PDE1A: variants seen among roughly 807,000 people sequenced by gnomAD.
PDE1A encodes the protein phosphodiesterase 1A.
Under a neutral mutation model 61.7 loss-of-function variants are expected in PDE1A, and 35 were observed. That is an observed-to-expected ratio of 0.57 (90% CI 0.43 to 0.75). The LOEUF (loss-of-function observed/expected upper bound fraction) is 0.75, where lower values mean the gene tolerates loss of function less well. Ranked by LOEUF, PDE1A falls within the 30% of genes least tolerant of loss-of-function variation. The pLI is 0.00. For missense variants in PDE1A, 597 were observed against 630.6 expected (o/e 0.95, Z 0.57); for synonymous variants, 232 against 213.2 (o/e 1.09, Z -0.77).
chr2:182,290,612 T>G (rs1694464800), intron 1 of PDE1A, among the ~76,000 whole-genome samples: 1 of 152,002 alleles, frequency 6.6e-6, no homozygotes, highest in Non-Finnish European at 1.5e-5. Context: ...AACTCTGTAT[T>G]TCTATGGCTT....
At chr2:182,462,994 A>T (rs1362716125) in intron 2 of PDE1A, among the ~76,000 whole-genome samples, 1 of 152,142 alleles carries the variant, frequency 6.6e-6, no homozygotes, top group East Asian at 1.9e-4. Context: ...TAATCCCAGC[A>T]CTTTGGGAGG....
chr2:182,367,612 A>G (rs1369299487), intron 1 of PDE1A, among the ~76,000 whole-genome samples: 8 of 152,110 alleles, frequency 5.3e-5, no homozygotes, highest in Admixed American at 5.2e-4. Flanking sequence ...TAATGTGGCA[A>G]TGTAGCAAAG....
At chr2:182,680,431 A>C in the PDE1A span, among the ~76,000 whole-genome samples, 1 of 152,150 alleles carries the variant, frequency 6.6e-6, no homozygotes, top group African/African-American at 2.4e-5. Context: ...ACAAAATTAC[A>C]GAGTTTCACC....
the PDE1A span, among the ~76,000 whole-genome samples, chr2:182,685,476 T>C: frequency 6.6e-6 from 1 of 152,348 alleles, no homozygotes; most frequent in South Asian, 2.1e-4. Flanking sequence ...TCATACAAAC[T>C]TGGAATTAAA....
At chr2:182,143,707 G>A (rs868415189), downstream of PDE1A, among the ~76,000 whole-genome samples, 2 of 152,176 alleles carry the variant, frequency 1.3e-5, no homozygotes, top group Middle Eastern at 3.4e-3. Flanking sequence ...AGTAGACACG[G>A]GGTTTCACCG....
At chr2:182,349,123 A>C (rs1235527799) in intron 1 of PDE1A, among the ~76,000 whole-genome samples, 1 of 152,158 alleles carries the variant, frequency 6.6e-6, no homozygotes, top group East Asian at 1.9e-4. Flanking sequence ...TTGACTGCTA[A>C]GTTTATTTAG....
the PDE1A span, among the ~76,000 whole-genome samples, chr2:182,636,215 C>A: frequency 6.6e-6 from 1 of 152,074 alleles, no homozygotes; most frequent in Non-Finnish European, 1.5e-5. Context: ...GCCTCAGCCT[C>A]CCAAAGTGCT....
the PDE1A span, among the ~76,000 whole-genome samples, chr2:182,711,926 T>C: frequency 2.0e-3 from 298 of 152,284 alleles, no homozygotes; most frequent in African/African-American, 6.8e-3. Context: ...TCAAAGCACC[T>C]CCAATAAAGG....
intron 8 of PDE1A, among the ~76,000 whole-genome samples, chr2:182,202,956 A>T (rs1378528524): frequency 1.3e-5 from 2 of 152,222 alleles, no homozygotes; most frequent in Non-Finnish European, 2.9e-5. Context: ...GGAAACTTGA[A>T]TTACGATCTT....
At chr2:182,558,232 CT>C in the PDE1A span, among the ~76,000 whole-genome samples, 20 of 146,894 alleles carry the variant, frequency 1.4e-4, no homozygotes, top group Admixed American at 2.1e-4. Flanking sequence ...TTTGACAACT[CT>C]TTTTTTTTTA....
At chr2:182,151,622 C>T (rs1159273414) in intron 13 of PDE1A, among the ~76,000 whole-genome samples, 2 of 152,156 alleles carry the variant, frequency 1.3e-5, no homozygotes, top group African/African-American at 2.4e-5. Flanking sequence ...CCTGTCCTCT[C>T]GCTTACCTAA....
At chr2:182,222,816 T>C (rs573913950) in intron 7 of PDE1A, among the ~76,000 whole-genome samples, 1 of 152,150 alleles carries the variant, frequency 6.6e-6, no homozygotes, top group African/African-American at 2.4e-5. Context: ...GCTCTTAACA[T>C]ATATCTCCTT....
At chr2:182,203,279 C>G (rs1397630050) in intron 8 of PDE1A, among the ~76,000 whole-genome samples, 1 of 152,044 alleles carries the variant, frequency 6.6e-6, no homozygotes, top group East Asian at 1.9e-4. Context: ...GAGATTGCAC[C>G]ACTGCACTCC....
intron 1 of PDE1A, among the ~76,000 whole-genome samples, chr2:182,277,462 T>C (rs1189888306): frequency 6.6e-6 from 1 of 152,116 alleles, no homozygotes; most frequent in African/African-American, 2.4e-5. Context: ...AAAGATCAAG[T>C]GCTGAGCATT....
intron 1 of PDE1A, among the ~76,000 whole-genome samples, chr2:182,403,396 G>A (rs1171885182): frequency 5.3e-5 from 8 of 151,854 alleles, no homozygotes; most frequent in Non-Finnish European, 7.4e-5. Context: ...TCAGGAGATC[G>A]AGACCATCCT....
At chr2:182,572,637 G>A in the PDE1A span, among the ~76,000 whole-genome samples, 14 of 152,160 alleles carry the variant, frequency 9.2e-5, no homozygotes, top group African/African-American at 3.1e-4. Flanking sequence ...AATTCCAGCT[G>A]AGGCGGGCGG....
intron 10 of PDE1A, among the ~76,000 whole-genome samples, chr2:182,197,824 A>G (rs1686265021): frequency 6.6e-6 from 1 of 151,940 alleles, no homozygotes. Flanking sequence ...ACTAACTCAC[A>G]TAAGGAGGAA....
At chr2:182,500,291 A>C (rs1689009668) in intron 2 of PDE1A, among the ~76,000 whole-genome samples, 1 of 152,194 alleles carries the variant, frequency 6.6e-6, no homozygotes, top group Non-Finnish European at 1.5e-5. Context: ...GATTCACTGA[A>C]GTGGTCATAG....
chr2:182,624,095 A>C, the PDE1A span, among the ~76,000 whole-genome samples: 1 of 147,470 alleles, frequency 6.8e-6, no homozygotes, highest in Non-Finnish European at 1.5e-5. Flanking sequence ...ACTGCACTCC[A>C]GCCTGGGGGA....
Sources: gnomAD v4.1 joint callset for allele counts (sites outside exome capture counted in the v4.1 genomes callset) on GRCh38, gnomAD v4.1.1 for gene constraint, MANE v1.5 for transcripts, NCBI Gene and HGNC (gene_info 2026-07-23, HGNC 2026-07-21) for gene names.